The following THNSL1 variants were observed in gnomAD, a reference collection of about 807,000 sequenced individuals.
The protein encoded by THNSL1 is threonine synthase-like 1.
In THNSL1, 48 loss-of-function variants were observed where a neutral mutation model predicts 50.4. The ratio of observed to expected loss-of-function variants is 0.95; its 90% CI spans 0.76 to 1.21. THNSL1 has a LOEUF of 1.21. THNSL1 is among the 50% of genes most tolerant of loss of function. The probability of loss-of-function intolerance (pLI) is 0.00; values close to 1 mark genes in which losing one functional copy is unlikely to be tolerated. For synonymous variants in THNSL1, 309 were observed against 306.1 expected (o/e 1.01, Z -0.10); for missense variants, 896 against 871.7 (o/e 1.03, Z -0.35).
chr10:24,955,712 A>G, the THNSL1 span, among the ~76,000 whole-genome samples: 3 of 152,188 alleles, frequency 2.0e-5, no homozygotes, highest in African/African-American at 7.2e-5. Flanking sequence ...CGGGAGGCCA[A>G]AGCAGGAGGC....
chr10:24,970,470 G>C, the THNSL1 span, among the ~76,000 whole-genome samples: 2 of 152,156 alleles, frequency 1.3e-5, no homozygotes, highest in Non-Finnish European at 2.9e-5. Flanking sequence ...AGCACTTTGG[G>C]AGGCAGAGGC....
At chr10:24,984,502 T>C in the THNSL1 span, 4 of 1,259,470 alleles carry the variant, frequency 3.2e-6, no homozygotes, top group Non-Finnish European at 4.3e-6. Context: ...CTGGAACACA[T>C]ATTCTCAAAT....
chr10:24,993,995 T>C, the THNSL1 span, among the ~76,000 whole-genome samples: 1 of 152,096 alleles, frequency 6.6e-6, no homozygotes, highest in Non-Finnish European at 1.5e-5. Flanking sequence ...TATAAAACAG[T>C]TTCCAGGGGC....
chr10:25,023,745 A>G lies in THNSL1; in HGVS notation c.522A>G (p.Val174=). ...AATTAATGAAGACAGATAGGATTGT[A>G]GGTCAGAATTCTGGAACATCTATGA... ...RLKLMKTDRI[V]GQNSGTSMKD... Residue 174 remains valine, a synonymous_variant, in exon 3 of 3, where the codon GTA becomes GTG. Coordinates refer to ENST00000376356, the MANE Select transcript of THNSL1 (RefSeq NM_024838.5). 6.2e-7 allele frequency: 1 copy of G among 1,613,990 alleles called. No individual in the cohort carries two copies. Among genetic ancestry groups the G allele is most frequent in the African/African-American group, 1.3e-5 (1 of 75,048 alleles).
the THNSL1 span, chr10:24,982,846 A>G: frequency 6.6e-6 from 1 of 152,250 alleles, no homozygotes; most frequent in Non-Finnish European, 1.5e-5. Flanking sequence ...TCTTTAGTAG[A>G]CATTTACAGA....
the THNSL1 span, among the ~76,000 whole-genome samples, chr10:24,985,259 C>T: frequency 1.3e-5 from 2 of 152,116 alleles, no homozygotes; most frequent in Non-Finnish European, 2.9e-5. Flanking sequence ...ATGATATCCT[C>T]GAGTCAAAAA....
chr10:24,967,776 T>C, the THNSL1 span, among the ~76,000 whole-genome samples: 3 of 151,850 alleles, frequency 2.0e-5, no homozygotes, highest in African/African-American at 7.3e-5. Context: ...GATGTGTGTA[T>C]ATGTATGTGC....
the THNSL1 span, among the ~76,000 whole-genome samples, chr10:24,964,607 G>A: frequency 5.3e-5 from 8 of 152,192 alleles, no homozygotes; most frequent in South Asian, 4.2e-4. Context: ...ATTAATAGAC[G>A]TCCAAGATTC....
In THNSL1 at chr10:25,024,481, ATAAT is replaced by A. The variant is rs1443078692; in HGVS notation, c.1260_1263del (p.Ile420MetfsTer24). On this transcript the variant is annotated frameshift_variant, in exon 3 of 3. Transcript: ENST00000376356. LOFTEE classifies it high-confidence loss of function. ...AGTAAGTGATTTTCAAAAAGCACAA[ATAAT>A]TGGCAGTCAGAGAGAAAATGGATGG... 1 of 1,614,102 alleles carries A rather than the reference ATAAT, an allele frequency of 6.2e-7. No individual in the cohort carries two copies. The highest frequency in any genetic ancestry group is 1.3e-5 in the African/African-American group (1 of 74,956).
the THNSL1 span, among the ~76,000 whole-genome samples, chr10:24,958,387 G>A: frequency 1.3e-5 from 2 of 152,188 alleles, no homozygotes; most frequent in African/African-American, 4.8e-5. Flanking sequence ...AATGTTACAA[G>A]TACAAAAGAA....
In THNSL1 at chr10:25,024,087, C is replaced by G. The variant is rs150015345; in HGVS notation, c.864C>G (p.Tyr288Ter). Residue 288 changes from tyrosine (Y) to a stop codon, truncating the protein, a stop_gained, in exon 3 of 3, where the codon TAC (tyrosine) becomes TAG (stop). Transcript: ENST00000376356. LOFTEE classifies it high-confidence loss of function. Reference sequence around the variant, plus strand: ...GGAAAAGCCTAGTAGGAGCAACCTACGTAGAAAGAGCACAGATACTGTTGG... The same window carrying G: ...GGAAAAGCCTAGTAGGAGCAACCTAGGTAGAAAGAGCACAGATACTGTTGG... ...GEWKSLVGATYVERAQILLER... is the reference protein window; with the variant it reads ...GEWKSLVGAT 276 of 1,614,142 alleles carry G rather than the reference C, an allele frequency of 1.7e-4. No individual in the cohort carries two copies. Among genetic ancestry groups the G allele is most frequent in the Non-Finnish European group, 2.2e-4 (258 of 1,180,012 alleles).
At chr10:24,961,544 T>C in the THNSL1 span, among the ~76,000 whole-genome samples, 9 of 152,174 alleles carry the variant, frequency 5.9e-5, no homozygotes, top group Non-Finnish European at 1.0e-4. Flanking sequence ...TCTTTTTTTT[T>C]CAATGGAAGA....
chr10:25,010,017 C>G, the THNSL1 span, among the ~76,000 whole-genome samples: 1 of 152,060 alleles, frequency 6.6e-6, no homozygotes. Flanking sequence ...TAAAGATACC[C>G]AAAAATGTGA....
At position 25,025,432 on chromosome 10, in the gene THNSL1, C is replaced by G. The variant is rs2132766190; in HGVS notation, c.2209C>G (p.Leu737Val). 6.2e-7 allele frequency: 1 copy of G among 1,606,550 alleles called. No individual in the cohort carries two copies. The highest frequency in any genetic ancestry group is 1.7e-4 in the Middle Eastern group (1 of 6,006). Residue 737 changes from leucine to valine, a missense_variant, in exon 3 of 3, where the codon CTT (leucine) becomes GTT (valine). Coordinates refer to ENST00000376356, the MANE Select transcript of THNSL1 (RefSeq NM_024838.5). The stretch of plus-strand genomic sequence containing the variant: ...TGTCTTGAAGAGTCATGTGGAACAA[C>G]TTGTCCAAAATCAATTCATATGAAA... ...MNVLKSHVEQ[L>V]VQNQFI
the THNSL1 span, among the ~76,000 whole-genome samples, chr10:24,971,736 G>A: frequency 6.6e-6 from 1 of 152,196 alleles, no homozygotes; most frequent in South Asian, 2.1e-4. Context: ...CTGTTTTCAT[G>A]TTTGAACATC....
At chr10:24,982,412 T>C in the THNSL1 span, 1 of 152,216 alleles carries the variant, frequency 6.6e-6, no homozygotes, top group Admixed American at 6.5e-5. Context: ...AAAAAGATCA[T>C]AGACAAGGGG....
chr10:24,963,178 G>A, the THNSL1 span, among the ~76,000 whole-genome samples: 1 of 152,172 alleles, frequency 6.6e-6, no homozygotes, highest in Non-Finnish European at 1.5e-5. Context: ...AGACTTTTCT[G>A]TGGGTCTGGG....
chr10:24,984,865 T>C, the THNSL1 span: 1 of 1,613,628 alleles, frequency 6.2e-7, no homozygotes, highest in Non-Finnish European at 8.5e-7. Flanking sequence ...CGAGAGGGAC[T>C]GGAATTCTTT....
the THNSL1 span, among the ~76,000 whole-genome samples, chr10:24,973,886 T>G: frequency 6.6e-6 from 1 of 152,180 alleles, no homozygotes; most frequent in South Asian, 2.1e-4. Context: ...CCTGAGTAGC[T>G]GGGATTACAG....
Sources: allele counts gnomAD v4.1 joint callset (sites outside exome capture counted in the v4.1 genomes callset), GRCh38; gene constraint gnomAD v4.1.1; transcripts MANE v1.5; gene names NCBI Gene and HGNC (gene_info 2026-07-23, HGNC 2026-07-21).